Variants in PARP4 observed in about 807,000 individuals in gnomAD.
The protein encoded by PARP4 is protein mono-ADP-ribosyltransferase PARP4.
A neutral mutation model predicts 187.7 loss-of-function variants in PARP4; 120 were observed. The observed-to-expected ratio is 0.64, with a 90% CI of 0.55 to 0.74. PARP4 has a LOEUF of 0.74. Ranked by LOEUF, PARP4 falls within the 30% of genes least tolerant of loss-of-function variation. The pLI, the probability that PARP4 is intolerant of heterozygous loss-of-function variation, is 0.00. For synonymous variants in PARP4, 654 were observed against 740.9 expected, an observed-to-expected ratio of 0.88 and a Z score of 1.90; for missense variants, 1,836 against 2,070.5, an observed-to-expected ratio of 0.89 and a Z score of 2.20.
intron 23 of PARP4, 63 bp from the exon 24 acceptor site, chr13:24,452,656 T>G: frequency 1.5e-6 from 2 of 1,329,570 alleles, no homozygotes; most frequent in Non-Finnish European, 2.1e-6. Context: ...TTTGCTGTCA[T>G]CATTGACACA....
intron 32 of PARP4, among the ~76,000 whole-genome samples, chr13:24,427,206 C>T (rs73456878): frequency 0.055 from 8,311 of 152,186 alleles, 661 homozygotes; most frequent in African/African-American, 0.18. Flanking sequence ...AGATAAACAA[C>T]AGATATGACT....
At chr13:24,507,034 G>A (rs1318500231) in intron 1 of PARP4, among the ~76,000 whole-genome samples, 8 of 152,188 alleles carry the variant, frequency 5.3e-5, no homozygotes, top group Non-Finnish European at 1.0e-4. Context: ...CACACCCTCC[G>A]CTGCTGCTGG....
At position 24,477,742 on chromosome 13, in the gene PARP4, T is replaced by G; in HGVS notation, c.1748A>C (p.Glu583Ala). The change falls in exon 14 of 34, where the codon GAG becomes GCG. Residue 583 changes from glutamate to alanine, a missense_variant. Physicochemically the swap from Glu to Ala is moderately radical, Grantham distance 107 (BLOSUM62 -1). Coordinates refer to ENST00000381989, the MANE Select transcript of PARP4 (RefSeq NM_006437.4). ...ATTTGAAAACTCAGGTCTGTATTCCTCTAATTCAGTATGATCACTAGGATG... is the reference window on the plus strand; with the variant it reads ...ATTTGAAAACTCAGGTCTGTATTCCGCTAATTCAGTATGATCACTAGGATG... ...DFHPSDHTELEEYRPEFSNFS... is the reference protein window; with the variant it reads ...DFHPSDHTELAEYRPEFSNFS... 6.3e-7 allele frequency: 1 copy of G among 1,592,504 alleles called. No homozygotes were observed. The highest frequency in any genetic ancestry group is 8.6e-7 in the Non-Finnish European group (1 of 1,167,840).
intron 1 of PARP4, among the ~76,000 whole-genome samples, chr13:24,509,086 A>G (rs1330413360): frequency 6.6e-6 from 1 of 152,218 alleles, no homozygotes; most frequent in Non-Finnish European, 1.5e-5. Flanking sequence ...CTACTGAATC[A>G]AAGTTTGAAC....
At chr13:24,465,798 A>G (rs1467536670) in intron 17 of PARP4, among the ~76,000 whole-genome samples, 1 of 152,196 alleles carries the variant, frequency 6.6e-6, no homozygotes, top group Non-Finnish European at 1.5e-5. Flanking sequence ...AGTTGAATAT[A>G]TAACAACACA....
intron 31 of PARP4, 38 bp from the exon 32 acceptor site, chr13:24,431,514 C>A: frequency 1.6e-6 from 2 of 1,260,216 alleles, no homozygotes; most frequent in Non-Finnish European, 2.3e-6. Flanking sequence ...TTATGTTATT[C>A]ACATTTTATC....
chr13:24,424,962 C>A (rs537512015), intron 33 of PARP4, among the ~76,000 whole-genome samples: 114 of 151,682 alleles, frequency 7.5e-4, no homozygotes, highest in African/African-American at 2.7e-3. Flanking sequence ...GGATTACAGG[C>A]GTGAGCCACC....
At chr13:24,505,020 T>C (rs1185311781) in intron 1 of PARP4, among the ~76,000 whole-genome samples, 1 of 151,264 alleles carries the variant, frequency 6.6e-6, no homozygotes, top group Non-Finnish European at 1.5e-5. Flanking sequence ...TTTTTTTTTT[T>C]TGAGTCAGGG....
At position 24,442,613 on chromosome 13, in the gene PARP4, T is replaced by C; in HGVS notation, c.3520A>G (p.Ser1174Gly). 6.3e-7 allele frequency: 1 copy of C among 1,591,116 alleles called. No homozygotes were observed. Among genetic ancestry groups the C allele is most frequent in the Non-Finnish European group, 8.6e-7 (1 of 1,159,194 alleles). Residue 1174 changes from serine (S) to glycine (G), a missense_variant, in exon 29 of 34, where the codon AGC becomes GGC. Ser to Gly is a moderately conservative substitution (Grantham distance 56, BLOSUM62 0). Coordinates refer to ENST00000381989, the MANE Select transcript of PARP4 (RefSeq NM_006437.4). The stretch of plus-strand genomic sequence containing the variant: ...ACCCTTTTCTCAACTGCCACAAAGC[T>C]TGTAAATTGTGTTATGAGAGAGTTT... The part of the protein sequence containing the change: ...KENSLITQFT[S>G]FVAVEKRDEN...
intron 1 of PARP4, among the ~76,000 whole-genome samples, chr13:24,506,647 T>C (rs1023098404): frequency 6.6e-6 from 1 of 152,106 alleles, no homozygotes; most frequent in African/African-American, 2.4e-5. Context: ...GATTGGTGTG[T>C]TTACAAACCT....
At position 24,459,320 on chromosome 13, in the gene PARP4, G is replaced by A. The variant is rs1046403288; in HGVS notation, c.2299-10C>T. On this transcript the variant is annotated splice_polypyrimidine_tract_variant and intron_variant, in intron 18 of 33. Transcript: ENST00000381989. The stretch of plus-strand genomic sequence containing the variant: ...TCTTCTCTACTGTATCCTGTTAAAA[G>A]AAAAATACATTTGTATAACTAAGCA... 6.5e-7 allele frequency: 1 copy of A among 1,538,748 alleles called. No homozygotes were observed. The highest frequency in any genetic ancestry group is 8.8e-7 in the Non-Finnish European group (1 of 1,131,876).
chr13:24,462,435 G>C (rs1872255519), intron 17 of PARP4, among the ~76,000 whole-genome samples: 1 of 152,190 alleles, frequency 6.6e-6, no homozygotes. Flanking sequence ...TGAAAGAACA[G>C]GAGTTGCCAC....
rs1322415270 is a variant in PARP4 at position 24,477,875 on chromosome 13, C to A, written c.1633-18G>T. 1.3e-6 allele frequency: 2 copies of A among 1,531,380 alleles called. No homozygotes were observed. The highest frequency in any genetic ancestry group is 1.4e-5 in the African/African-American group (1 of 71,360). The allele number at this position is 1,531,380 out of a possible 1,614,324, so 94.9% of individuals were successfully genotyped here. On this transcript the variant is annotated intron_variant, in intron 13 of 33. Transcript: ENST00000381989. ...TCATCATCCTAGAGCAAACAGAAAT[C>A]AGTAGGTGATTAACAACAGAAGCAA...
chr13:24,460,757 C>A (rs553289432), intron 17 of PARP4, among the ~76,000 whole-genome samples: 154 of 152,254 alleles, frequency 1.0e-3, no homozygotes, highest in African/African-American at 3.6e-3. Context: ...GGTGCAGTCA[C>A]AGCTTAATGT....
chr13:24,446,659 T>TAAA (rs1173331588), intron 27 of PARP4, 22 bp downstream of exon 27: 2 of 1,400,404 alleles, frequency 1.4e-6, no homozygotes, highest in Non-Finnish European at 2.0e-6. Context: ...AATGGGTTGA[T>TAAA]AGTTTAGGTT....
In PARP4 at chr13:24,500,380, C is replaced by T; in HGVS notation, c.337G>A (p.Val113Met). Residue 113 changes from valine to methionine, a missense_variant and splice_region_variant, in exon 4 of 34, where the codon GTG becomes ATG. Physicochemically the swap from Val to Met is conservative, Grantham distance 21. Around this residue, in one of 8 missense-constraint regions of PARP4, gnomAD observed 1,147 missense variants for 1,214.2 expected, o/e 0.94. Coordinates refer to ENST00000381989, the MANE Select transcript of PARP4 (RefSeq NM_006437.4). ...PPDQKASSSE[V>M]KTEGLCPDSA... ...TCCGGGCATAGACCTTCTGTTTTCA[C>T]TTCTAGAATTAAAAGCAAACAGCAC... 2 of 1,598,160 alleles carry T rather than the reference C, an allele frequency of 1.3e-6. No homozygotes were observed. Among genetic ancestry groups the T allele is most frequent in the South Asian group, 1.1e-5 (1 of 89,170 alleles).
intron 7 of PARP4, among the ~76,000 whole-genome samples, chr13:24,493,938 C>T (rs931252424): frequency 2.0e-5 from 3 of 152,090 alleles, no homozygotes; most frequent in African/African-American, 4.8e-5. Context: ...CCCTCCTACC[C>T]GCTTTTCTTC....
At chr13:24,477,107 C>T (rs9553318) in intron 14 of PARP4, among the ~76,000 whole-genome samples, 34,944 of 152,118 alleles carry the variant, frequency 0.23, 4,422 homozygotes, top group African/African-American at 0.33. Flanking sequence ...ATTCCTGAAG[C>T]GAATAAGCTC....
chr13:24,439,446 T>A (rs1870803796), intron 30 of PARP4, among the ~76,000 whole-genome samples: 2 of 152,194 alleles, frequency 1.3e-5, no homozygotes, highest in Admixed American at 1.3e-4. Flanking sequence ...ATGTCTTATC[T>A]GATCTATGGC....
Sources: allele counts gnomAD v4.1 joint callset (sites outside exome capture counted in the v4.1 genomes callset), GRCh38; gene constraint gnomAD v4.1.1; regional missense constraint gnomAD v4.1.1; transcripts MANE v1.5; gene names NCBI Gene and HGNC (gene_info 2026-07-23, HGNC 2026-07-21).